The following DACH1 variants were observed in gnomAD, a reference collection of about 807,000 sequenced individuals.
DACH1 encodes the protein dachshund homolog 1.
DACH1 carries 12 observed loss-of-function variants against 54.2 expected under a neutral mutation model. The ratio of observed to expected loss-of-function variants is 0.22; its 90% CI spans 0.14 to 0.36. DACH1 has a LOEUF of 0.36. DACH1 is among the 10% of genes least tolerant of loss of function. DACH1 has a pLI of 1.00. For synonymous variants in DACH1, 386 were observed against 366.2 expected, an observed-to-expected ratio of 1.05 and a Z score of -0.62; for missense variants, 805 against 929.8, an observed-to-expected ratio of 0.87 and a Z score of 1.75.
chr13:71,642,876 T>C lies in DACH1; in HGVS notation c.965-12159A>G, dbSNP rs118184557. On this transcript the variant is annotated intron_variant, in intron 2 of 10. Transcript: ENST00000613252. The stretch of plus-strand genomic sequence containing the variant: ...CTCTACTGAAAAAAATATACAAAAA[T>C]TAGCCAGACATAGTGGCACGTGCCT... Among the ~76,000 whole-genome samples the C allele has an allele frequency of 4.2e-3, 644 of 151,626 alleles. 4 individuals carry two copies. The highest frequency in any genetic ancestry group is 7.2e-3 in the Non-Finnish European group (491 of 67,926).
chr13:71,632,240 G>A (rs866155137), intron 2 of DACH1, among the ~76,000 whole-genome samples: 14 of 152,062 alleles, frequency 9.2e-5, no homozygotes, highest in Admixed American at 3.9e-4. Context: ...AATAAGCAGA[G>A]GTTTTTGAGC....
chr13:71,541,196 A>G (rs1883108018), intron 6 of DACH1, among the ~76,000 whole-genome samples: 1 of 152,028 alleles, frequency 6.6e-6, no homozygotes, highest in South Asian at 2.1e-4. Context: ...TTATGGTTCT[A>G]TAGAAATTTT....
chr13:71,861,342 TATC>T (rs1166788104), intron 1 of DACH1, among the ~76,000 whole-genome samples: 8 of 151,950 alleles, frequency 5.3e-5, no homozygotes, highest in African/African-American at 1.7e-4. Flanking sequence ...GAAAGTAAAG[TATC>T]ATCATAACCA....
intron 1 of DACH1, among the ~76,000 whole-genome samples, chr13:71,686,150 G>T (rs944730686): frequency 1.3e-5 from 2 of 152,096 alleles, no homozygotes; most frequent in Non-Finnish European, 2.9e-5. Flanking sequence ...ACACTTAATA[G>T]CTTGAATAAA....
intron 6 of DACH1, among the ~76,000 whole-genome samples, chr13:71,518,322 A>G (rs1410594546): frequency 6.6e-6 from 1 of 151,814 alleles, no homozygotes; most frequent in Non-Finnish European, 1.5e-5. Flanking sequence ...AAAGCCAAGG[A>G]GAGAGGCCTC....
intron 1 of DACH1, among the ~76,000 whole-genome samples, chr13:71,753,617 T>C (rs1037765140): frequency 1.3e-5 from 2 of 152,160 alleles, no homozygotes; most frequent in Non-Finnish European, 1.5e-5. Flanking sequence ...CCAGTAATAG[T>C]ATGAAGAAAA....
At chr13:71,832,903 A>C (rs1047870183) in intron 1 of DACH1, among the ~76,000 whole-genome samples, 5 of 151,914 alleles carry the variant, frequency 3.3e-5, no homozygotes, top group African/African-American at 1.2e-4. Context: ...GGAGTAATTA[A>C]TTTATCTCTA....
chr13:71,581,131 A>G (rs1318492787), intron 3 of DACH1, among the ~76,000 whole-genome samples: 1 of 151,846 alleles, frequency 6.6e-6, no homozygotes, highest in Non-Finnish European at 1.5e-5. Flanking sequence ...TCAAATCCAG[A>G]CCAATTCTCA....
intron 2 of DACH1, among the ~76,000 whole-genome samples, chr13:71,680,087 C>T (rs1298954891): frequency 2.0e-5 from 3 of 151,970 alleles, no homozygotes; most frequent in South Asian, 2.1e-4. Flanking sequence ...GGATTAACAA[C>T]GTACTACCTA....
At chr13:71,562,282 T>C (rs79055020) in intron 4 of DACH1, among the ~76,000 whole-genome samples, 3 of 152,212 alleles carry the variant, frequency 2.0e-5, no homozygotes, top group Non-Finnish European at 4.4e-5. Context: ...TGTAGGTAAA[T>C]GTAAGCAACA....
intron 10 of DACH1, among the ~76,000 whole-genome samples, chr13:71,453,754 T>C (rs1180017264): frequency 6.6e-6 from 1 of 152,188 alleles, no homozygotes; most frequent in African/African-American, 2.4e-5. Context: ...TACAAAAAGC[T>C]GAGCTGAGAT....
At chr13:71,510,644 T>A (rs1880707153) in intron 6 of DACH1, among the ~76,000 whole-genome samples, 1 of 152,062 alleles carries the variant, frequency 6.6e-6, no homozygotes, top group Non-Finnish European at 1.5e-5. Flanking sequence ...GCCATTAATA[T>A]ATTTTTTCAA....
At chr13:71,643,693 C>A (rs964221519) in intron 2 of DACH1, among the ~76,000 whole-genome samples, 1 of 151,876 alleles carries the variant, frequency 6.6e-6, no homozygotes, top group Non-Finnish European at 1.5e-5. Flanking sequence ...AATAAATGAA[C>A]CTTTATTGCC....
chr13:71,706,739 T>C (rs1228258033), intron 1 of DACH1, among the ~76,000 whole-genome samples: 3 of 152,172 alleles, frequency 2.0e-5, no homozygotes, highest in African/African-American at 4.8e-5. Flanking sequence ...TTATTTGAAG[T>C]ATTATATAAA....
chr13:71,604,007 T>C (rs1400646522), intron 3 of DACH1, among the ~76,000 whole-genome samples: 1 of 151,922 alleles, frequency 6.6e-6, no homozygotes, highest in Admixed American at 6.6e-5. Context: ...GTCTCCTAGT[T>C]TATGCCATTA....
Position 71,488,566 on chromosome 13 carries a change from G to GACATATTTTAA in DACH1, c.1722+420_1722+430dup, listed in dbSNP as rs1446413285. On this transcript the variant is annotated intron_variant, in intron 7 of 10. Coordinates refer to ENST00000613252, the MANE Select transcript of DACH1 (RefSeq NM_080759.6). Reference sequence around the variant, plus strand: ...CATTTTTTTGGATTCTTCTAAATTAGACATATTTTAAATGACTAAACATAT... The same window carrying GACATATTTTAA: ...CATTTTTTTGGATTCTTCTAAATTAGACATATTTTAAACATATTTTAAATGACTAAACATAT... 2.0e-4 allele frequency among the ~76,000 whole-genome samples: 31 copies of GACATATTTTAA among 151,972 alleles called. 1 individual carries two copies. The highest frequency in any genetic ancestry group is 5.2e-4 in the Admixed American group (8 of 15,240).
In DACH1 at chr13:71,562,899, T is replaced by C. The variant is rs148327190; in HGVS notation, c.1300-2944A>G. Among the ~76,000 whole-genome samples the C allele has an allele frequency of 2.1e-3, 314 of 152,204 alleles. 2 individuals carry two copies. Among genetic ancestry groups the C allele is most frequent in the South Asian group, 0.015 (74 of 4,832 alleles). ...AATTCAAAAGTTTAGTTGTGTATGG[T>C]TTTGGAGTATTTGCGCACTTATCAT... On this transcript the variant is annotated intron_variant, in intron 4 of 10. Transcript: ENST00000613252.
At chr13:71,542,231 C>T (rs1033225363) in intron 6 of DACH1, among the ~76,000 whole-genome samples, 9 of 151,776 alleles carry the variant, frequency 5.9e-5, no homozygotes, top group Non-Finnish European at 8.8e-5. Flanking sequence ...GCCTGGGAAA[C>T]GAGCGAAACT....
intron 1 of DACH1, among the ~76,000 whole-genome samples, chr13:71,737,352 A>T (rs1247739405): frequency 6.6e-6 from 1 of 152,144 alleles, no homozygotes; most frequent in Non-Finnish European, 1.5e-5. Context: ...ACACAAATGG[A>T]ACTTGGAATT....
Sources: allele counts gnomAD v4.1 joint callset (sites outside exome capture counted in the v4.1 genomes callset), GRCh38; gene constraint gnomAD v4.1.1; transcripts MANE v1.5; gene names NCBI Gene and HGNC (gene_info 2026-07-23, HGNC 2026-07-21).